SOX30: variants seen among roughly 807,000 people sequenced by gnomAD.
SOX30 encodes the protein SRY-box transcription factor 30.
Under a neutral mutation model 58.6 loss-of-function variants are expected in SOX30, and 17 were observed. The ratio of observed to expected loss-of-function variants is 0.29; its 90% CI spans 0.20 to 0.44. The LOEUF (loss-of-function observed/expected upper bound fraction) is 0.44, where lower values mean the gene tolerates loss of function less well. Ranked by LOEUF, SOX30 falls within the 20% of genes least tolerant of loss-of-function variation. The pLI is 1.00. For missense variants in SOX30, 951 were observed against 965.8 expected (o/e 0.98, Z 0.20); for synonymous variants, 421 against 400.2 (o/e 1.05, Z -0.62).
chr5:157,630,967 CTATA>C (rs919099154), intron 4 of SOX30, among the ~76,000 whole-genome samples: 1 of 124,448 alleles, frequency 8.0e-6, no homozygotes, highest in African/African-American at 3.0e-5. Flanking sequence ...TATATATACA[CTATA>C]TATTTTTATA....
intron 2 of SOX30, among the ~76,000 whole-genome samples, chr5:157,666,478 GACACACACACACACACACACACACACAC>G (rs375835461): frequency 7.6e-5 from 10 of 132,440 alleles, no homozygotes; most frequent in African/African-American, 1.7e-4. Flanking sequence ...TAGTCCAGTA[GACACACACACACACACACACACACACAC>G]ACACACACAC....
upstream of SOX30, among the ~76,000 whole-genome samples, chr5:157,654,114 G>A (rs1231863281): frequency 2.0e-5 from 3 of 150,530 alleles, no homozygotes; most frequent in Admixed American, 6.6e-5. Flanking sequence ...TGCAGGAGCC[G>A]AGATCGTGCC....
intron 2 of SOX30, among the ~76,000 whole-genome samples, chr5:157,660,427 T>TATAAA (rs199898416): frequency 0.022 from 3,357 of 149,234 alleles, 46 homozygotes; most frequent in South Asian, 0.052. Context: ...GTCTCAAAAA[T>TATAAA]ATAAAATAAA....
intron 2 of SOX30, among the ~76,000 whole-genome samples, chr5:157,663,981 C>T (rs1426827537): frequency 5.3e-5 from 8 of 151,988 alleles, no homozygotes; most frequent in Non-Finnish European, 1.2e-4. Flanking sequence ...ATTCCATGCT[C>T]ATGGATAGGA....
chr5:157,665,601 AAAAT>A (rs924775814), intron 2 of SOX30, among the ~76,000 whole-genome samples: 37 of 121,868 alleles, frequency 3.0e-4, no homozygotes, highest in African/African-American at 5.0e-4. Flanking sequence ...AGTATAATAA[AAAAT>A]AAAATAAAAT....
intron 4 of SOX30, among the ~76,000 whole-genome samples, chr5:157,631,501 C>G (rs1219008265): frequency 6.6e-6 from 1 of 152,208 alleles, no homozygotes; most frequent in Non-Finnish European, 1.5e-5. Context: ...TGGCTCACGC[C>G]TGTAATCCCA....
At position 157,652,377 on chromosome 5, in the gene SOX30, T is replaced by A; in HGVS notation, c.-299A>T. On this transcript the variant is annotated 5_prime_UTR_variant, in exon 1 of 5. Coordinates refer to ENST00000265007, the MANE Select transcript of SOX30 (RefSeq NM_178424.2). Reference sequence around the variant, plus strand: ...TTGCACATTTTCGTTCTGACTCTCTTGTGGAGTTCTCTTACAGCCGTTGTC... The same window carrying A: ...TTGCACATTTTCGTTCTGACTCTCTAGTGGAGTTCTCTTACAGCCGTTGTC... 1 of 1,130,732 alleles carries A rather than the reference T, an allele frequency of 8.8e-7. No individual in the cohort carries two copies. The highest frequency in any genetic ancestry group is 3.7e-4 in the Middle Eastern group (1 of 2,730). The allele number at this position is 1,130,732 out of a possible 1,614,324, so 70.0% of individuals were successfully genotyped here.
chr5:157,667,771 C>T (rs756561880), intron 2 of SOX30: 117,132 of 1,342,252 alleles, frequency 0.087, 3,408 homozygotes, highest in South Asian at 0.11. Flanking sequence ...CATACACACA[C>T]ACACACACAC....
At chr5:157,640,898 C>G (rs545717906) in intron 3 of SOX30, among the ~76,000 whole-genome samples, 86 of 152,158 alleles carry the variant, frequency 5.7e-4, no homozygotes, top group Non-Finnish European at 9.7e-4. Context: ...GCATATCACC[C>G]TCCTGAAGAC....
At chr5:157,634,722 A>C (rs1396261201) in intron 4 of SOX30, among the ~76,000 whole-genome samples, 1 of 152,128 alleles carries the variant, frequency 6.6e-6, no homozygotes, top group Non-Finnish European at 1.5e-5. Context: ...ATCTTGGTTC[A>C]CTGCAACCTC....
chr5:157,661,115 T>C (rs1223898681), intron 2 of SOX30, among the ~76,000 whole-genome samples: 3 of 152,234 alleles, frequency 2.0e-5, no homozygotes, highest in Non-Finnish European at 4.4e-5. Context: ...ATGTTGATTT[T>C]TGTATTTTTA....
intron 3 of SOX30, among the ~76,000 whole-genome samples, chr5:157,642,270 C>A (rs1201094019): frequency 6.6e-6 from 1 of 150,392 alleles, no homozygotes; most frequent in Admixed American, 6.6e-5. Context: ...GAACCAAGAT[C>A]ACGCCACTGC....
At chr5:157,658,623 C>G (rs1399061066) in intron 2 of SOX30, among the ~76,000 whole-genome samples, 2 of 152,174 alleles carry the variant, frequency 1.3e-5, no homozygotes, top group Non-Finnish European at 2.9e-5. Flanking sequence ...ACAAGAGACT[C>G]TCATAGTTAA....
In SOX30 at chr5:157,652,189, A is replaced by G; in HGVS notation, c.-111T>C. On this transcript the variant is annotated 5_prime_UTR_variant, in exon 1 of 5. Transcript: ENST00000265007. ...CAAGGCCTTTGCTACCCAGAACCCT[A>G]CGCGGTTCAAAACGCAGCTGTCTGT... 1 of 1,333,956 alleles carries G rather than the reference A, an allele frequency of 7.5e-7. No individual in the cohort carries two copies. The highest frequency in any genetic ancestry group is 9.5e-7 in the Non-Finnish European group (1 of 1,050,108). The allele number at this position is 1,333,956 out of a possible 1,614,324, so 82.6% of individuals were successfully genotyped here.
At chr5:157,660,067 A>G (rs1759549912) in intron 2 of SOX30, among the ~76,000 whole-genome samples, 2 of 152,164 alleles carry the variant, frequency 1.3e-5, no homozygotes. Context: ...AGGAATGTTT[A>G]ATGAGGCATG....
At chr5:157,637,141 A>AC (rs1758949570) in intron 4 of SOX30, among the ~76,000 whole-genome samples, 1 of 151,850 alleles carries the variant, frequency 6.6e-6, no homozygotes, top group Non-Finnish European at 1.5e-5. Context: ...CTCAAAAAAA[A>AC]AAAAAAAAAA....
At chr5:157,660,693 G>C (rs1241384359) in intron 2 of SOX30, among the ~76,000 whole-genome samples, 1 of 151,900 alleles carries the variant, frequency 6.6e-6, no homozygotes, top group Non-Finnish European at 1.5e-5. Context: ...CCACAGTCTT[G>C]ATTACTCTAG....
chr5:157,667,245 ATC>A (rs1038653195), intron 2 of SOX30, among the ~76,000 whole-genome samples: 17 of 152,236 alleles, frequency 1.1e-4, no homozygotes, highest in Admixed American at 1.0e-3. Flanking sequence ...TCACTGGAAA[ATC>A]TCTGTGGAGT....
chr5:157,667,577 T>C (rs1759695968), intron 2 of SOX30, among the ~76,000 whole-genome samples: 2 of 152,032 alleles, frequency 1.3e-5, no homozygotes, highest in South Asian at 4.1e-4. Context: ...CTTCTAAAAA[T>C]ACAAAAATTA....
Sources: allele counts gnomAD v4.1 joint callset (sites outside exome capture counted in the v4.1 genomes callset), GRCh38; gene constraint gnomAD v4.1.1; transcripts MANE v1.5; gene names NCBI Gene and HGNC (gene_info 2026-07-23, HGNC 2026-07-21).